C4orf50: variants seen among roughly 807,000 people sequenced by gnomAD.
C4orf50 encodes uncharacterized protein C4orf50.
A neutral mutation model predicts 77.2 loss-of-function variants in C4orf50; 80 were observed. The ratio of observed to expected loss-of-function variants is 1.04; its 90% CI spans 0.87 to 1.25. C4orf50 has a LOEUF of 1.25. Ranked by LOEUF, C4orf50 falls within the 50% of genes most tolerant of loss-of-function variation. C4orf50 has a pLI of 0.00. For missense variants in C4orf50, 1,257 were observed against 1,152.9 expected, an observed-to-expected ratio of 1.09 and a Z score of -1.31; for synonymous variants, 532 against 465.3, an observed-to-expected ratio of 1.14 and a Z score of -1.84.
Position 6,000,284 on chromosome 4 carries a change from A to T in C4orf50, c.964-5808T>A, listed in dbSNP as rs1342453472. On this transcript the variant is annotated intron_variant, in intron 25 of 33. Transcript: ENST00000531445. The surrounding 1 kb of genome is among the most constrained non-coding windows in gnomAD (Gnocchi z 6.0). ...AGCCATGGCCACTGAGGCTCATGCA[A>T]TTTCCACCAAGACATGAAGAGCCGC... Among the ~76,000 whole-genome samples the T allele has an allele frequency of 6.6e-6, 1 of 152,046 alleles. No individual in the cohort carries two copies. The highest frequency in any genetic ancestry group is 2.4e-5 in the African/African-American group (1 of 41,410).
rs934862011 is a variant in C4orf50, at chr4:5,919,979, C to T, written c.*2475-21791G>A. Among the ~76,000 whole-genome samples the T allele has an allele frequency of 6.6e-6, 1 of 152,230 alleles. No individual in the cohort carries two copies. Among genetic ancestry groups the T allele is most frequent in the African/African-American group, 2.4e-5 (1 of 41,454 alleles). ...TTTCTTGTCATCATTCCCTCAACAA[C>T]ACAGTATGACAACTACTTATAGAGC... On this transcript the variant is annotated intron_variant, in intron 7 of 7. Transcript: ENST00000324058. This position sits in a 1 kb window ranked among gnomAD's most constrained non-coding sequence, Gnocchi z 6.5.
rs1427766057 is a variant in C4orf50, at chr4:5,919,337, C to A, written c.*2475-21149G>T. Among the ~76,000 whole-genome samples, 1 of 150,852 alleles carries A rather than the reference C, an allele frequency of 6.6e-6. No homozygotes were observed. ...GGTTCTAGAAGTCTGGATGAACTGGCGTGGAGTGTGTATCACCTTCCAGGT... is the reference window on the plus strand; with the variant it reads ...GGTTCTAGAAGTCTGGATGAACTGGAGTGGAGTGTGTATCACCTTCCAGGT... On this transcript the variant is annotated intron_variant, in intron 7 of 7. Coordinates refer to the C4orf50 transcript ENST00000324058. This position sits in a 1 kb window ranked among gnomAD's most constrained non-coding sequence, Gnocchi z 6.5.
downstream of C4orf50, among the ~76,000 whole-genome samples, chr4:5,952,959 C>T (rs1718793946): frequency 6.6e-6 from 1 of 152,216 alleles, no homozygotes. The surrounding 1 kb of genome is among the most constrained non-coding windows in gnomAD (Gnocchi z 4.4). Flanking sequence ...ATTCAAGGGA[C>T]AGCCGAAGGG....
chr4:5,938,790 C>T lies in C4orf50; in HGVS notation c.*2474+18111G>A, dbSNP rs200634036. Among the ~76,000 whole-genome samples, 436 of 115,600 alleles carry T rather than the reference C, an allele frequency of 3.8e-3. 1 individual carries two copies. Among genetic ancestry groups the T allele is most frequent in the African/African-American group, 0.011 (379 of 34,580 alleles). 75.8% of individuals were successfully genotyped at this position (115,600 alleles called of 152,430 possible). On this transcript the variant is annotated intron_variant, in intron 7 of 7. Coordinates refer to the C4orf50 transcript ENST00000324058. Reference sequence around the variant, plus strand: ...TCATAATGTGATGTCAGTTTTTTTTCTTTTCTTTTTTTTTTTTATCATTTA... The same window carrying T: ...TCATAATGTGATGTCAGTTTTTTTTTTTTTCTTTTTTTTTTTTATCATTTA...
intron 7 of C4orf50, among the ~76,000 whole-genome samples, chr4:5,947,035 G>A (rs1718510211): frequency 6.6e-6 from 1 of 152,222 alleles, no homozygotes; most frequent in African/African-American, 2.4e-5. Context: ...AAGGTCACAG[G>A]CTTGGCCTGC....
chr4:5,946,210 G>A (rs1033089168), intron 7 of C4orf50, among the ~76,000 whole-genome samples: 1 of 152,148 alleles, frequency 6.6e-6, no homozygotes, highest in Non-Finnish European at 1.5e-5. Context: ...CTGCTTCCCA[G>A]GAGTGCACAG....
At chr4:5,904,839 A>G (rs1318707924) in intron 7 of C4orf50, 2 of 152,178 alleles carry the variant, frequency 1.3e-5, no homozygotes, top group Admixed American at 6.5e-5. Flanking sequence ...GTGATTTTTT[A>G]AAACCATCAT....
intron 7 of C4orf50, among the ~76,000 whole-genome samples, chr4:5,907,107 T>C (rs1427588991): frequency 6.6e-6 from 1 of 152,192 alleles, no homozygotes; most frequent in Non-Finnish European, 1.5e-5. Context: ...ACTGCTGCAG[T>C]CAGTGATGCT....
chr4:5,980,239 G>C (rs1174525955), exon 29 of C4orf50: 3 of 1,612,272 alleles, frequency 1.9e-6, no homozygotes, highest in Non-Finnish European at 2.5e-6. Context: ...GCAGCGCCCT[G>C]GTCCCTGAGC....
chr4:5,988,237 G>A (rs1338945888), intron 28 of C4orf50, 110 bp downstream of exon 6: 4 of 1,388,016 alleles, frequency 2.9e-6, no homozygotes, highest in Admixed American at 4.3e-5. Context: ...TAAGTGGGGA[G>A]GATGATTGTA....
chr4:5,913,723 G>A (rs1254112622), intron 7 of C4orf50, among the ~76,000 whole-genome samples: 1 of 152,198 alleles, frequency 6.6e-6, no homozygotes, highest in Non-Finnish European at 1.5e-5. Context: ...ATCGTCCACA[G>A]ACGTTGGGAC....
rs1484252655 is a variant in C4orf50, at chr4:5,919,346, T to G, written c.*2475-21158A>C. Among the ~76,000 whole-genome samples the G allele has an allele frequency of 6.6e-6, 1 of 151,682 alleles. No individual in the cohort carries two copies. The highest frequency in any genetic ancestry group is 1.5e-5 in the Non-Finnish European group (1 of 67,934). ...AGTCTGGATGAACTGGCGTGGAGTG[T>G]GTATCACCTTCCAGGTGACACATTA... On this transcript the variant is annotated intron_variant, in intron 7 of 7. Transcript: ENST00000324058. The surrounding 1 kb of genome is among the most constrained non-coding windows in gnomAD (Gnocchi z 6.5).
rs1216916878 is a variant in C4orf50 at position 6,011,804 on chromosome 4, GCCTGGAAAGGAGAAGGAAACGGTA to G, written c.426+2_426+25del. 2.5e-6 allele frequency: 1 copy of G among 398,980 alleles called. No individual in the cohort carries two copies. The highest frequency in any genetic ancestry group is 2.1e-5 in the African/African-American group (1 of 48,636). 24.7% of individuals were successfully genotyped at this position (398,980 alleles called of 1,614,324 possible). On this transcript the variant is annotated splice_donor_variant and splice_donor_5th_base_variant and intron_variant, in intron 24 of 33. Coordinates refer to ENST00000531445, the Ensembl canonical transcript of C4orf50. LOFTEE classifies it high-confidence loss of function. The surrounding 1 kb of genome is among the most constrained non-coding windows in gnomAD (Gnocchi z 4.2). ...ACGGCTCTGCTGGACAGGAAACAGG[GCCTGGAAAGGAGAAGGAAACGGTA>G]CCTGGCTGGCCAGCTCCCCCTGCAG... is the stretch of plus-strand genomic sequence containing the variant.
In C4orf50 at chr4:5,970,501, C is replaced by T. The variant is rs865817319; in HGVS notation, c.4105-3039G>A. On this transcript the variant is annotated intron_variant, in intron 31 of 33. Coordinates refer to ENST00000531445, the Ensembl canonical transcript of C4orf50. This position sits in a 1 kb window ranked among gnomAD's most constrained non-coding sequence, Gnocchi z 4.3. ...GGCGGATACAAGGGTGACCCATGGA[C>T]GCTAGTGACCCGGATGGCACAACAG... Among the ~76,000 whole-genome samples the T allele has an allele frequency of 1.1e-4, 17 of 152,266 alleles. No individual in the cohort carries two copies. The South Asian group carries it at 1.5e-3, about 13-fold the overall frequency.
At chr4:5,948,656 G>A (rs960365829) in intron 7 of C4orf50, among the ~76,000 whole-genome samples, 15 of 152,206 alleles carry the variant, frequency 9.9e-5, no homozygotes, top group African/African-American at 3.6e-4. Context: ...TTAGCCGGGT[G>A]TGGTGCCATG....
intron 24 of C4orf50, among the ~76,000 whole-genome samples, chr4:6,010,742 G>A (rs1375819713): frequency 6.6e-6 from 1 of 152,232 alleles, no homozygotes; most frequent in Non-Finnish European, 1.5e-5. Context: ...TGCAGCTACC[G>A]TGAAGTTTTG....
intron 29 of C4orf50, 43 bp downstream of exon 7, chr4:5,980,131 G>C (rs1047014080): frequency 6.6e-7 from 1 of 1,521,418 alleles, no homozygotes; most frequent in Non-Finnish European, 8.8e-7. Flanking sequence ...CCGGGGTGTG[G>C]GAGCCCTGGC....
intron 25 of C4orf50, among the ~76,000 whole-genome samples, chr4:5,997,916 T>C (rs1380155783): frequency 6.6e-6 from 1 of 152,198 alleles, no homozygotes; most frequent in South Asian, 2.1e-4. Context: ...AAAAGGGAGA[T>C]AGTTCCAGAT....
chr4:6,002,423 T>C (rs911385725), intron 25 of C4orf50, among the ~76,000 whole-genome samples: 14 of 152,158 alleles, frequency 9.2e-5, no homozygotes, highest in Admixed American at 5.2e-4. Context: ...AGGTTTGAGG[T>C]ACTTTGTTAC....
Sources: allele counts gnomAD v4.1 joint callset (sites outside exome capture counted in the v4.1 genomes callset), GRCh38; gene constraint gnomAD v4.1.1; non-coding constraint Gnocchi (gnomAD v3.1); transcripts MANE v1.5; gene names NCBI Gene and HGNC (gene_info 2026-07-23, HGNC 2026-07-21).